LEUTX: variants seen among roughly 807,000 people sequenced by gnomAD.
LEUTX encodes paired-like homeodomain transcription factor LEUTX.
Under a neutral mutation model 4.5 loss-of-function variants are expected in LEUTX, and 5 were observed. The observed-to-expected ratio is 1.11, with a 90% confidence interval of 0.58 to 2.34. The LOEUF is 2.34. Ranked by LOEUF, LEUTX falls within the 30% of genes most tolerant of loss-of-function variation. The pLI, the probability that LEUTX is intolerant of heterozygous loss-of-function variation, is 0.01. For synonymous variants in LEUTX, 89 were observed against 85.1 expected (o/e 1.05, Z -0.25); for missense variants, 233 against 239.4 (o/e 0.97, Z 0.18).
chr19:39,782,170 A>T (rs1429234459), intron 1 of LEUTX, among the ~76,000 whole-genome samples: 1 of 152,088 alleles, frequency 6.6e-6, no homozygotes, highest in Non-Finnish European at 1.5e-5. Flanking sequence ...AATCTTATAG[A>T]CTCATATAAA....
chr19:39,780,993 C>T (rs528110354), intron 1 of LEUTX, among the ~76,000 whole-genome samples: 12 of 152,166 alleles, frequency 7.9e-5, no homozygotes, highest in African/African-American at 2.6e-4. Context: ...CATGAGCCAC[C>T]GTGCCCAGCC....
At chr19:39,776,948 C>T (rs539976837), upstream of LEUTX, among the ~76,000 whole-genome samples, 2 of 152,124 alleles carry the variant, frequency 1.3e-5, no homozygotes, top group Admixed American at 6.6e-5. Context: ...ATGGCTTTGT[C>T]CTTCACTTGG....
chr19:39,776,463 C>T (rs59802166), upstream of LEUTX: 5 of 363,568 alleles, frequency 1.4e-5, no homozygotes, highest in South Asian at 8.1e-5. Flanking sequence ...GGAGTGCTGC[C>T]GCACCACACA....
upstream of LEUTX, among the ~76,000 whole-genome samples, chr19:39,776,875 A>G (rs759898825): frequency 2.6e-4 from 39 of 152,280 alleles, no homozygotes; most frequent in South Asian, 1.2e-3. Flanking sequence ...CCCATCTCAA[A>G]AAAAGAAAGA....
At chr19:39,783,524 T>G (rs1443415372) in intron 1 of LEUTX, among the ~76,000 whole-genome samples, 1 of 151,836 alleles carries the variant, frequency 6.6e-6, no homozygotes, top group Non-Finnish European at 1.5e-5. Context: ...TAGCCAGTAG[T>G]TGGATTGCTG....
At chr19:39,785,614 C>CA in intron 2 of LEUTX, 84 bp from the exon 3 acceptor site, 1 of 1,132,030 alleles carries the variant, frequency 8.8e-7, no homozygotes, top group Non-Finnish European at 1.2e-6. Context: ...TCTCTCACAC[C>CA]AAAAAACCGA....
intron 2 of LEUTX, among the ~76,000 whole-genome samples, chr19:39,784,930 C>T (rs367551630): frequency 6.6e-6 from 1 of 152,126 alleles, no homozygotes; most frequent in Non-Finnish European, 1.5e-5. Context: ...AACTCCAGAC[C>T]CACCATGCTA....
At chr19:39,781,450 C>A (rs912017606) in intron 1 of LEUTX, among the ~76,000 whole-genome samples, 1 of 152,310 alleles carries the variant, frequency 6.6e-6, no homozygotes, top group Middle Eastern at 3.4e-3. Context: ...TTTGTCCCCT[C>A]CAAATCTCAT....
intron 1 of LEUTX, among the ~76,000 whole-genome samples, chr19:39,784,212 G>A (rs1967929978): frequency 6.6e-6 from 1 of 150,636 alleles, no homozygotes; most frequent in African/African-American, 2.4e-5. Context: ...CTTTTCTCTG[G>A]TGCCTCCTTG....
At position 39,786,042 on chromosome 19, in the gene LEUTX, C is replaced by T. The variant is rs1967968162; in HGVS notation, c.504C>T (p.Ile168=). The T allele has an allele frequency of 3.2e-6, 5 of 1,551,570 alleles. No homozygotes were observed. In the South Asian group the frequency reaches 3.6e-5, roughly 11 times the overall value. Residue 168 remains isoleucine (I), a synonymous_variant, in exon 3 of 3, where the codon ATC becomes ATT. Transcript: ENST00000638280. The stretch of plus-strand genomic sequence containing the variant: ...TTGAAATAGATGAATTTGTAAAGAT[C>T]TATGACTTGCCAGGGGAAGATGACA... ...TLFEIDEFVK[I]YDLPGEDDTS...
At chr19:39,782,870 C>T (rs1568515104) in intron 1 of LEUTX, among the ~76,000 whole-genome samples, 1 of 151,788 alleles carries the variant, frequency 6.6e-6, no homozygotes, top group Non-Finnish European at 1.5e-5. Context: ...TCTAATAAAA[C>T]ATTTTTAAAT....
At chr19:39,778,413 G>A (rs1041066881), upstream of LEUTX, among the ~76,000 whole-genome samples, 6 of 151,594 alleles carry the variant, frequency 4.0e-5, no homozygotes, top group African/African-American at 9.8e-5. Flanking sequence ...GGCGGGTGAA[G>A]GGCTTAACTC....
intron 1 of LEUTX, among the ~76,000 whole-genome samples, chr19:39,782,748 C>T (rs139325915): frequency 3.0e-4 from 45 of 152,262 alleles, no homozygotes; most frequent in African/African-American, 9.6e-4. Context: ...GCAGAACACT[C>T]CCAGCAAGAG....
intron 1 of LEUTX, among the ~76,000 whole-genome samples, chr19:39,780,159 A>T (rs1429598706): frequency 1.3e-5 from 2 of 152,224 alleles, no homozygotes; most frequent in Non-Finnish European, 2.9e-5. Flanking sequence ...TGGCTCTTCT[A>T]ATACATTTTC....
At chr19:39,778,731 T>A (rs1967837680), upstream of LEUTX, among the ~76,000 whole-genome samples, 1 of 148,150 alleles carries the variant, frequency 6.7e-6, no homozygotes, top group South Asian at 2.2e-4. Context: ...AGGCATATAA[T>A]AGGTTCTAAA....
At chr19:39,778,416 C>T (rs1967831491), upstream of LEUTX, among the ~76,000 whole-genome samples, 1 of 151,600 alleles carries the variant, frequency 6.6e-6, no homozygotes. Flanking sequence ...GGGTGAAGGG[C>T]TTAACTCCCA....
upstream of LEUTX, among the ~76,000 whole-genome samples, chr19:39,778,716 G>A (rs1967837393): frequency 7.1e-6 from 1 of 140,878 alleles, no homozygotes; most frequent in Non-Finnish European, 1.5e-5. Context: ...GCCCTACACA[G>A]CATCAGGCAT....
At chr19:39,785,667 A>G (rs1190852832) in intron 2 of LEUTX, 31 bp from the exon 3 acceptor site, 7 of 1,526,346 alleles carry the variant, frequency 4.6e-6, no homozygotes, top group Non-Finnish European at 6.2e-6. Context: ...CTCAACATCC[A>G]TTATTAACCT....
upstream of LEUTX, chr19:39,776,646 G>A: frequency 4.4e-6 from 2 of 456,146 alleles, no homozygotes; most frequent in South Asian, 1.5e-5. Context: ...TGTCAGGCGG[G>A]CACCTGGAAT....
Sources: gnomAD v4.1 joint callset for allele counts (sites outside exome capture counted in the v4.1 genomes callset) on GRCh38, gnomAD v4.1.1 for gene constraint, MANE v1.5 for transcripts, NCBI Gene and HGNC (gene_info 2026-07-23, HGNC 2026-07-21) for gene names.